The following RTL3 variants were observed in gnomAD, a reference collection of about 807,000 sequenced individuals.
RTL3 encodes retrotransposon Gag-like protein 3.
For missense variants in RTL3, 468 were observed against 341.8 expected, an observed-to-expected ratio of 1.37 and a Z score of -2.91; for synonymous variants, 181 against 132.2, an observed-to-expected ratio of 1.37 and a Z score of -2.53.
chrX:78,658,619 G>A lies in RTL3; in HGVS notation c.-199C>T, dbSNP rs766483176. On this transcript the variant is annotated 5_prime_UTR_variant, in exon 2 of 2. Transcript: ENST00000321110. ...CGGAGCTCGGCAAGAAGGAGCCTCC[G>A]GAGCTCAGTAAGGGGAAGTGTCAGA... 161 of 371,277 alleles carry A rather than the reference G, an allele frequency of 4.3e-4. No homozygotes were observed. Among genetic ancestry groups the A allele is most frequent in the Non-Finnish European group, 6.7e-4 (142 of 211,351 alleles). 30.6% of individuals were successfully genotyped at this position (371,277 alleles called of 1,213,427 possible). A position where few individuals can be genotyped will look rare whatever the true frequency, so the allele number is the denominator to read the frequency against.
In RTL3 at chrX:78,657,459, T is replaced by C. The variant is rs1603423413; in HGVS notation, c.962A>G (p.Asn321Ser). 2 of 1,209,560 alleles carry C rather than the reference T, an allele frequency of 1.7e-6. No homozygotes were observed. The highest frequency in any genetic ancestry group is 1.1e-6 in the Non-Finnish European group (1 of 894,286). Reference sequence around the variant, plus strand: ...GATGCACTGGTTGGCATCTTTCATGTTTTCTGGATTATCAAAAGTATCCTG... The same window carrying C: ...GATGCACTGGTTGGCATCTTTCATGCTTTCTGGATTATCAAAAGTATCCTG... ...VLQDTFDNPENMKDANQCIHQ... is the reference protein window; with the variant it reads ...VLQDTFDNPESMKDANQCIHQ... The change falls in exon 2 of 2, where the codon AAC becomes AGC. Residue 321 changes from asparagine to serine, a missense_variant. Transcript: ENST00000321110.
chrX:78,657,822 A>C lies in RTL3; in HGVS notation c.599T>G (p.Phe200Cys). The C allele has an allele frequency of 1.7e-6, 2 of 1,211,156 alleles. No individual in the cohort carries two copies. The highest frequency in any genetic ancestry group is 2.2e-6 in the Non-Finnish European group (2 of 895,285). ...EPLEPSNAQEFLELSAAQESL... is the reference protein window; with the variant it reads ...EPLEPSNAQECLELSAAQESL... Reference sequence around the variant, plus strand: ...CTCCTGGGCTGCTGAGAGTTCTAGGAATTCCTGGGCATTTGAAGGCTCCAG... The same window carrying C: ...CTCCTGGGCTGCTGAGAGTTCTAGGCATTCCTGGGCATTTGAAGGCTCCAG... Residue 200 changes from phenylalanine to cysteine, a missense_variant, in exon 2 of 2, where the codon TTC becomes TGC. By Grantham distance (205) the Phe-to-Cys change is radical. Transcript: ENST00000321110.
rs1922995796 is a variant in RTL3 at position 78,656,831 on chromosome X, T to A, written c.*162A>T. On this transcript the variant is annotated 3_prime_UTR_variant, in exon 2 of 2. Coordinates refer to ENST00000321110, the MANE Select transcript of RTL3 (RefSeq NM_152694.3). ...GGCAGCTTCTCTCGAAGAACCACAG[T>A]ATGATCAATGCTGTTTCTGTAGGAG... is the stretch of plus-strand genomic sequence containing the variant. 3.6e-6 allele frequency: 2 copies of A among 550,411 alleles called. No homozygotes were observed. Among genetic ancestry groups the A allele is most frequent in the Non-Finnish European group, 5.6e-6 (2 of 359,907 alleles). 45.4% of individuals were successfully genotyped at this position (550,411 alleles called of 1,213,427 possible).
Position 78,657,644 on chromosome X carries a change from A to T in RTL3, c.777T>A (p.Tyr259Ter), listed in dbSNP as rs201174792. The change falls in exon 2 of 2, where the codon TAT becomes TAA. Residue 259 changes from tyrosine to a stop codon, truncating the protein, a stop_gained. Transcript: ENST00000321110. LOFTEE classifies it low-confidence loss of function (END_TRUNC). ...QKLPEFLVQL[Y>*]SYMRVRGHLY... ...GGTGCCCTCTGACTCTCATGTAACT[A>T]TACAGCTGAACCAGGAACTCAGGAA... The T allele has an allele frequency of 1.1e-4, 129 of 1,205,758 alleles. No homozygotes were observed. The highest frequency in any genetic ancestry group is 1.3e-4 in the Non-Finnish European group (119 of 893,106).
In RTL3 at chrX:78,658,146, T is replaced by A; in HGVS notation, c.275A>T (p.Gln92Leu). The A allele has an allele frequency of 8.6e-7, 1 of 1,166,095 alleles. No homozygotes were observed. Among genetic ancestry groups the A allele is most frequent in the East Asian group, 3.0e-5 (1 of 33,398 alleles). The change falls in exon 2 of 2, where the codon CAG becomes CTG. Residue 92 changes from glutamine to leucine, a missense_variant. Transcript: ENST00000321110. The part of the protein sequence containing the change: ...FKEPQKPPEP[Q>L]DLLPWEPPAA... ...TGGGGGTTCCCAGGGTAGAAGATCC[T>A]GTGGCTCTGGTGGCTTCTGGGGTTC...
Position 78,657,126 on chromosome X carries a change from C to T in RTL3, c.1295G>A (p.Ser432Asn), listed in dbSNP as rs1236201403. 8 of 1,210,881 alleles carry T rather than the reference C, an allele frequency of 6.6e-6. No individual in the cohort carries two copies. In the Admixed American group the frequency reaches 8.7e-5, roughly 13 times the overall value. ...GTGCCAACGGACCCATTCAGCTTCACTGATGTGTGGGCAGTTGATTGCAGC... is the reference window on the plus strand; with the variant it reads ...GTGCCAACGGACCCATTCAGCTTCATTGATGTGTGGGCAGTTGATTGCAGC... Reference protein sequence around the residue: ...MQAAINCPHISEAEWVRWHKG... With the variant: ...MQAAINCPHINEAEWVRWHKG... The change falls in exon 2 of 2, where the codon AGT becomes AAT. Residue 432 changes from serine to asparagine, a missense_variant. By Grantham distance (46) the Ser-to-Asn change is conservative (BLOSUM62 1). Transcript: ENST00000321110.
At chrX:78,659,143 G>A (rs1458899333) in intron 1 of RTL3, 118 bp downstream of exon 1, 3 of 68,364 alleles carry the variant, frequency 4.4e-5, no homozygotes, top group African/African-American at 1.7e-4. Flanking sequence ...GAGAAAACAA[G>A]CAAAAGTCGA....
Position 78,658,293 on chromosome X carries a change from G to A in RTL3, c.128C>T (p.Ser43Phe). The A allele has an allele frequency of 8.3e-7, 1 of 1,211,110 alleles. No homozygotes were observed. The highest frequency in any genetic ancestry group is 1.1e-6 in the Non-Finnish European group (1 of 895,348). The stretch of plus-strand genomic sequence containing the variant: ...TAGATCATACTCCTTGGCTGCTTGG[G>A]ACTTCTGAAGCTCTGGGATCTGGGC... ...LQAQIPELQK[S>F]QAAKEYDLLR... The change falls in exon 2 of 2, where the codon TCC (serine) becomes TTC (phenylalanine). Residue 43 changes from serine (S) to phenylalanine (F), a missense_variant. By Grantham distance (155) the Ser-to-Phe change is radical. Coordinates refer to ENST00000321110, the MANE Select transcript of RTL3 (RefSeq NM_152694.3).
In RTL3 at chrX:78,658,225, C is replaced by G; in HGVS notation, c.196G>C (p.Glu66Gln). 3 of 1,208,800 alleles carry G rather than the reference C, an allele frequency of 2.5e-6. No homozygotes were observed. Among genetic ancestry groups the G allele is most frequent in the South Asian group, 1.8e-5 (1 of 56,392 alleles). Reference sequence around the variant, plus strand: ...CAGGCTGCTGGGGGATTCATGTGCTCTGGGAGCTTCTGGGGCTCCTTGGCC... The same window carrying G: ...CAGGCTGCTGGGGGATTCATGTGCTGTGGGAGCTTCTGGGGCTCCTTGGCC... ...SEAKEPQKLP[E>Q]HMNPPAAWEA... is the part of the protein sequence containing the mutation. The change falls in exon 2 of 2, where the codon GAG becomes CAG. Residue 66 changes from glutamate (E) to glutamine (Q), a missense_variant. Coordinates refer to ENST00000321110, the MANE Select transcript of RTL3 (RefSeq NM_152694.3).
In RTL3 at chrX:78,656,681, G is replaced by A; in HGVS notation, c.*312C>T. ...CGTGGTGCATGAATAATGTCAAACT[G>A]GAGCTCTTCAACATGGTTTCCAATT... On this transcript the variant is annotated 3_prime_UTR_variant, in exon 2 of 2. Coordinates refer to ENST00000321110, the MANE Select transcript of RTL3 (RefSeq NM_152694.3). The A allele has an allele frequency of 3.7e-6, 1 of 271,188 alleles. No homozygotes were observed. Among genetic ancestry groups the A allele is most frequent in the Non-Finnish European group, 6.5e-6 (1 of 153,638 alleles). 22.3% of individuals were successfully genotyped at this position (271,188 alleles called of 1,213,427 possible).
Position 78,657,191 on chromosome X carries a change from A to G in RTL3, c.1230T>C (p.Asp410=). Residue 410 remains aspartate, a synonymous_variant, in exon 2 of 2, where the codon GAT becomes GAC. Transcript: ENST00000321110. ...TTTCAGCTGGTGGACTCTCGGGTCC[A>G]TCTCCCTCTGCAGAGGAACTTTTCC... ...PLGKSSSAEG[D]GPESPPAENQ... 3 of 1,212,335 alleles carry G rather than the reference A, an allele frequency of 2.5e-6. No individual in the cohort carries two copies. Among genetic ancestry groups the G allele is most frequent in the Non-Finnish European group, 3.3e-6 (3 of 895,634 alleles).
chrX:78,657,055 T>C lies in RTL3; in HGVS notation c.1366A>G (p.Arg456Gly), dbSNP rs745389819. ...LYCGYPGHFA[R>G]DCPVKPHQAL... ...TGATGAGGCTTGACAGGGCAATCTC[T>C]GGCAAAATGACCAGGATAACCACAG... Residue 456 changes from arginine to glycine, a missense_variant, in exon 2 of 2, where the codon AGA (arginine) becomes GGA (glycine). By Grantham distance (125) the Arg-to-Gly change is moderately radical. Transcript: ENST00000321110. The C allele has an allele frequency of 2.2e-5, 27 of 1,212,320 alleles. No individual in the cohort carries two copies. Among genetic ancestry groups the C allele is most frequent in the Admixed American group, 8.7e-5 (4 of 46,134 alleles).
rs1334312340 is a variant in RTL3, at chrX:78,657,960, T to C, written c.461A>G (p.Lys154Arg). Residue 154 changes from lysine (K) to arginine (R), a missense_variant, in exon 2 of 2, where the codon AAG (lysine) becomes AGG (arginine). Physicochemically the swap from Lys to Arg is conservative, Grantham distance 26. Transcript: ENST00000321110. Reference sequence around the variant, plus strand: ...TGGGGGATCCTGGGGTTCTGAATTCTTGGGCTCTTGGGCTATTGTGGCATC... The same window carrying C: ...TGGGGGATCCTGGGGTTCTGAATTCCTGGGCTCTTGGGCTATTGTGGCATC... ...TQDATIAQEP[K>R]NSEPQDPPNI... The C allele has an allele frequency of 1.7e-6, 2 of 1,206,616 alleles. No individual in the cohort carries two copies. Among genetic ancestry groups the C allele is most frequent in the South Asian group, 1.8e-5 (1 of 55,867 alleles).
rs1424103889 is a variant in RTL3 at position 78,657,028 on chromosome X, C to T, written c.1393G>A (p.Ala465Thr). Residue 465 changes from alanine to threonine, a missense_variant, in exon 2 of 2, where the codon GCC becomes ACC. Transcript: ENST00000321110. ...GCCTGGATGTTTCCCGCCTGCAGGG[C>T]CTGATGAGGCTTGACAGGGCAATCT... ...ARDCPVKPHQ[A>T]LQAGNIQACQ 2 of 1,211,099 alleles carry T rather than the reference C, an allele frequency of 1.7e-6. No homozygotes were observed. The highest frequency in any genetic ancestry group is 1.8e-5 in the South Asian group (1 of 56,823).
chrX:78,657,355 T>G lies in RTL3; in HGVS notation c.1066A>C (p.Thr356Pro), dbSNP rs1923020285. Residue 356 changes from threonine (T) to proline (P), a missense_variant, in exon 2 of 2, where the codon ACT becomes CCT. Physicochemically the swap from Thr to Pro is conservative, Grantham distance 38. Coordinates refer to ENST00000321110, the MANE Select transcript of RTL3 (RefSeq NM_152694.3). ...CCTTCTTGAAATTGGATCCAGAGAG[T>G]GCTTTCATCCCAGTTCAGCTCTTGA... ...IAQELNWDES[T>P]LWIQFQEGLA... is the part of the protein sequence containing the mutation. 1 of 1,211,223 alleles carries G rather than the reference T, an allele frequency of 8.3e-7. No homozygotes were observed. The highest frequency in any genetic ancestry group is 1.7e-5 in the African/African-American group (1 of 57,610).
At position 78,657,934 on chromosome X, in the gene RTL3, T is replaced by G. The variant is rs772573647; in HGVS notation, c.487A>C (p.Asn163His). The G allele has an allele frequency of 5.5e-5, 66 of 1,206,735 alleles. 2 individuals carry two copies. The highest frequency in any genetic ancestry group is 3.6e-4 in the South Asian group (20 of 56,261). The part of the protein sequence containing the change: ...PKNSEPQDPP[N>H]IEKPQEAPEY... ...GGTGCCTCCTGGGGCTTCTCAATAT[T>G]TGGGGGATCCTGGGGTTCTGAATTC... Residue 163 changes from asparagine to histidine, a missense_variant, in exon 2 of 2, where the codon AAT (asparagine) becomes CAT (histidine). Transcript: ENST00000321110.
Position 78,658,062 on chromosome X carries a change from G to C in RTL3, c.359C>G (p.Thr120Ser). 8.7e-7 allele frequency: 1 copy of C among 1,153,784 alleles called. No individual in the cohort carries two copies. The highest frequency in any genetic ancestry group is 1.1e-6 in the Non-Finnish European group (1 of 871,472). The change falls in exon 2 of 2, where the codon ACC becomes AGC. Residue 120 changes from threonine (T) to serine (S), a missense_variant. By Grantham distance (58) the Thr-to-Ser change is moderately conservative. Transcript: ENST00000321110. Reference protein sequence around the residue: ...AAPESLAPPATRESQKPPMAH... With the variant: ...AAPESLAPPASRESQKPPMAH... ...CATTGGAGGTTTCTGGGACTCCCGG[G>C]TTGCTGGAGGCGCCAGGGACTCTGG...
chrX:78,656,968 T>G lies in RTL3; in HGVS notation c.*25A>C, dbSNP rs1025198690. The G allele has an allele frequency of 3.4e-6, 4 of 1,175,326 alleles. No individual in the cohort carries two copies. The African/African-American group carries it at 7.0e-5, about 21-fold the overall frequency. ...TGGAAGAGAGGGGGACGCATATTTG[T>G]AGATTGGCCCACGTGGGGTCCCCCT... is the stretch of plus-strand genomic sequence containing the variant. On this transcript the variant is annotated 3_prime_UTR_variant, in exon 2 of 2. Transcript: ENST00000321110.
Position 78,656,991 on chromosome X carries a change from C to T in RTL3, c.*2G>A, listed in dbSNP as rs145694250. 3.3e-5 allele frequency: 40 copies of T among 1,202,891 alleles called. No homozygotes were observed. In the African/African-American group the frequency reaches 5.8e-4, roughly 17 times the overall value. On this transcript the variant is annotated 3_prime_UTR_variant, in exon 2 of 2. Coordinates refer to ENST00000321110, the MANE Select transcript of RTL3 (RefSeq NM_152694.3). ...TGTAGATTGGCCCACGTGGGGTCCCCCTTACTGGCAGGCCTGGATGTTTCC... is the reference window on the plus strand; with the variant it reads ...TGTAGATTGGCCCACGTGGGGTCCCTCTTACTGGCAGGCCTGGATGTTTCC...
Sources: allele counts gnomAD v4.1 joint callset, GRCh38; gene constraint gnomAD v4.1.1; transcripts MANE v1.5; gene names NCBI Gene and HGNC (gene_info 2026-07-23, HGNC 2026-07-21).